PTPRJ: variants seen among roughly 807,000 people sequenced by gnomAD.
PTPRJ encodes protein tyrosine phosphatase receptor type J.
PTPRJ carries 129 observed loss-of-function variants against 141.3 expected under a neutral mutation model. The ratio of observed to expected loss-of-function variants is 0.91; its 90% confidence interval spans 0.79 to 1.06. The LOEUF (loss-of-function observed/expected upper bound fraction) is 1.06, where lower values mean the gene tolerates loss of function less well. Ranked by LOEUF, PTPRJ falls within the 50% of genes least tolerant of loss-of-function variation. The pLI is 0.00. For synonymous variants in PTPRJ, 610 were observed against 640.5 expected (o/e 0.95, Z 0.72); for missense variants, 1,601 against 1,679.7 (o/e 0.95, Z 0.82).
At chr11:48,011,676 G>T (rs1854794429) in intron 1 of PTPRJ, among the ~76,000 whole-genome samples, 1 of 151,572 alleles carries the variant, frequency 6.6e-6, no homozygotes, top group South Asian at 2.1e-4. Flanking sequence ...TTTCTTTTTG[G>T]GGCAGAGTCT....
intron 6 of PTPRJ, among the ~76,000 whole-genome samples, chr11:48,126,199 T>C (rs1029743877): frequency 6.6e-6 from 1 of 152,104 alleles, no homozygotes; most frequent in South Asian, 2.1e-4. Context: ...CTTTGACTGA[T>C]TTGCTAAAAG....
rs370303688 is a variant in PTPRJ at position 48,170,423 on chromosome 11, C to T, written c.*3061C>T. ...TCAGAGGCTCCCGGGGGTTGGGGATCGAGGGGCGGGGGTCAGCTATGCAGC... is the reference window on the plus strand; with the variant it reads ...TCAGAGGCTCCCGGGGGTTGGGGATTGAGGGGCGGGGGTCAGCTATGCAGC... On this transcript the variant is annotated 3_prime_UTR_variant, in exon 25 of 25. Transcript: ENST00000418331. 7 of 149,746 alleles carry T rather than the reference C, an allele frequency of 4.7e-5. No homozygotes were observed. The East Asian group carries it at 1.0e-3, about 21-fold the overall frequency. The allele number at this position is 149,746 out of a possible 1,614,324, so 9.3% of individuals were successfully genotyped here.
intron 1 of PTPRJ, among the ~76,000 whole-genome samples, chr11:48,002,303 A>G (rs1004100227): frequency 6.6e-6 from 1 of 151,808 alleles, no homozygotes; most frequent in Admixed American, 6.6e-5. Flanking sequence ...ACACCTGGCT[A>G]GTTTTTGTGT....
chr11:47,988,062 A>G (rs938209733), intron 1 of PTPRJ, among the ~76,000 whole-genome samples: 1 of 152,244 alleles, frequency 6.6e-6, no homozygotes, highest in Non-Finnish European at 1.5e-5. Context: ...TCTCCAGGGC[A>G]GGAGTTGGGT....
At chr11:48,120,910 A>G (rs1856687252) in intron 3 of PTPRJ, 93 bp from the exon 4 acceptor site, 2 of 1,197,550 alleles carry the variant, frequency 1.7e-6, no homozygotes, top group South Asian at 3.3e-5. Context: ...GTGATTGGAA[A>G]GTCACTTCTG....
At chr11:48,120,976 A>ATT (rs34681195) in intron 3 of PTPRJ, 27 bp from the exon 4 acceptor site, 297 of 1,370,590 alleles carry the variant, frequency 2.2e-4, no homozygotes, top group African/African-American at 5.7e-4. Context: ...AAGTGCAATA[A>ATT]TTTTTTTTTT....
At position 48,136,985 on chromosome 11, in the gene PTPRJ, C is replaced by T. The variant is rs1565321925; in HGVS notation, c.1874-18C>T. 2 of 1,565,096 alleles carry T rather than the reference C, an allele frequency of 1.3e-6. No individual in the cohort carries two copies. The highest frequency in any genetic ancestry group is 1.7e-5 in the Admixed American group (1 of 58,106). ...TAATCTGTGCTTTTACATGAATTGC[C>T]TTTTTTTTAAAATCAAGGGCCCAGC... On this transcript the variant is annotated intron_variant, in intron 9 of 24. Coordinates refer to ENST00000418331, the MANE Select transcript of PTPRJ (RefSeq NM_002843.4).
chr11:48,160,041 G>A lies in PTPRJ; in HGVS notation c.3550G>A (p.Val1184Met). Residue 1184 changes from valine (V) to methionine (M), a missense_variant, in exon 22 of 25, where the codon GTG becomes ATG. Val to Met is a conservative substitution (Grantham distance 21). Transcript: ENST00000418331. ...GGAATGGACCATCAGAGATTTCACA[G>A]TGAAAAATGTAAGTAAGAAGTCAGG... Reference protein sequence around the residue: ...LPEWTIRDFTVKNIQTSESHP... With the variant: ...LPEWTIRDFTMKNIQTSESHP... The A allele has an allele frequency of 6.2e-7, 1 of 1,613,876 alleles. No individual in the cohort carries two copies.
At chr11:48,160,189 C>G (rs1057275365) in intron 22 of PTPRJ, 140 bp downstream of exon 22, 2 of 1,208,406 alleles carry the variant, frequency 1.7e-6, no homozygotes, top group Non-Finnish European at 2.3e-6. Flanking sequence ...CAGAACAGAA[C>G]AATCCATATG....
At chr11:48,086,177 TA>T (rs1462060791) in intron 1 of PTPRJ, among the ~76,000 whole-genome samples, 2 of 152,122 alleles carry the variant, frequency 1.3e-5, no homozygotes, top group African/African-American at 4.8e-5. Context: ...TTATTATATT[TA>T]AAAAAAATTT....
Position 48,137,135 on chromosome 11 carries a change from A to G in PTPRJ, c.2006A>G (p.Asn669Ser), listed in dbSNP as rs1857121359. Residue 669 changes from asparagine to serine, a missense_variant, in exon 10 of 25, where the codon AAC becomes AGC. Asn to Ser is a conservative substitution (Grantham distance 46, BLOSUM62 1). Transcript: ENST00000418331. The stretch of plus-strand genomic sequence containing the variant: ...ATTGAGAAGGCTGGAAATTCCAGCA[A>G]CGCAACACAAGTAGTCACGGACATT... ...LLIEKAGNSS[N>S]ATQVVTDIGI... The G allele has an allele frequency of 1.2e-6, 2 of 1,612,764 alleles. No homozygotes were observed. Among genetic ancestry groups the G allele is most frequent in the Non-Finnish European group, 8.5e-7 (1 of 1,178,842 alleles).
chr11:48,140,247 C>T (rs1325237594), intron 11 of PTPRJ, among the ~76,000 whole-genome samples: 1 of 152,196 alleles, frequency 6.6e-6, no homozygotes, highest in Admixed American at 6.5e-5. Flanking sequence ...CCAGGCTGGT[C>T]TTGAACTCCT....
At chr11:48,014,261 G>T (rs1854894096) in intron 1 of PTPRJ, 2 of 152,174 alleles carry the variant, frequency 1.3e-5, no homozygotes, top group Admixed American at 1.3e-4. Context: ...TTGTGGTTAA[G>T]CAAGTTTGGA....
At chr11:48,090,256 T>C (rs1855832886) in intron 1 of PTPRJ, among the ~76,000 whole-genome samples, 1 of 152,186 alleles carries the variant, frequency 6.6e-6, no homozygotes, top group African/African-American at 2.4e-5. Flanking sequence ...CCAGGCGCCC[T>C]GCATCCTTCC....
At chr11:48,152,420 T>C (rs1857506066) in intron 18 of PTPRJ, among the ~76,000 whole-genome samples, 1 of 152,044 alleles carries the variant, frequency 6.6e-6, no homozygotes, top group Admixed American at 6.5e-5. Flanking sequence ...TGATGGTAGT[T>C]TCTTTTGCTG....
At chr11:48,130,926 C>G (rs1461045772) in intron 8 of PTPRJ, among the ~76,000 whole-genome samples, 1 of 150,782 alleles carries the variant, frequency 6.6e-6, no homozygotes, top group African/African-American at 2.4e-5. Flanking sequence ...CAGAGATAAT[C>G]ACTTTTGATG....
At chr11:48,018,239 G>C (rs1025418903) in intron 1 of PTPRJ, among the ~76,000 whole-genome samples, 2 of 148,650 alleles carry the variant, frequency 1.3e-5, no homozygotes, top group Admixed American at 6.7e-5. Context: ...TCTGGAAACT[G>C]TTCAACATGA....
chr11:48,054,107 A>T (rs897018793), intron 1 of PTPRJ, among the ~76,000 whole-genome samples: 1 of 148,346 alleles, frequency 6.7e-6, no homozygotes, highest in African/African-American at 2.5e-5. Flanking sequence ...TAATTTTTGT[A>T]TATTTAGTTG....
intron 1 of PTPRJ, among the ~76,000 whole-genome samples, chr11:47,999,243 G>A (rs1329953010): frequency 2.0e-5 from 3 of 152,190 alleles, no homozygotes; most frequent in Non-Finnish European, 4.4e-5. Flanking sequence ...CACATGTGCT[G>A]TTTATTTGCT....
Sources: gnomAD v4.1 joint callset for allele counts (sites outside exome capture counted in the v4.1 genomes callset) on GRCh38, gnomAD v4.1.1 for gene constraint, MANE v1.5 for transcripts, NCBI Gene and HGNC (gene_info 2026-07-23, HGNC 2026-07-21) for gene names.